Variants in RAD51B observed in about 807,000 individuals in gnomAD.
RAD51B encodes the protein RAD51 paralog B.
RAD51B carries 38 observed loss-of-function variants against 42.2 expected under a neutral mutation model. That is an observed-to-expected ratio of 0.90 (90% confidence interval 0.70 to 1.18). The LOEUF (loss-of-function observed/expected upper bound fraction) is 1.18. Ranked by LOEUF, RAD51B falls within the 50% of genes most tolerant of loss-of-function variation. RAD51B has a pLI of 0.00. For missense variants in RAD51B, 373 were observed against 400.7 expected (o/e 0.93, Z 0.59); for synonymous variants, 154 against 145.2 (o/e 1.06, Z -0.43).
chr14:68,384,347 AG>A (rs1425914355), intron 8 of RAD51B, among the ~76,000 whole-genome samples: 23 of 152,226 alleles, frequency 1.5e-4, no homozygotes, highest in Admixed American at 3.9e-4. Context: ...AACACTCAAA[AG>A]TACAAGGCAG....
intron 7 of RAD51B, among the ~76,000 whole-genome samples, chr14:68,020,042 T>C (rs572257360): frequency 1.2e-4 from 19 of 152,308 alleles, no homozygotes; most frequent in African/African-American, 4.3e-4. Flanking sequence ...GGGGTTCTTA[T>C]TTTTAGGAAG....
intron 7 of RAD51B, among the ~76,000 whole-genome samples, chr14:68,087,752 A>G (rs2077007174): frequency 6.7e-6 from 1 of 149,414 alleles, no homozygotes; most frequent in Non-Finnish European, 1.5e-5. Flanking sequence ...CATTGTTGAT[A>G]TTAAATAAAT....
intron 11 of RAD51B, among the ~76,000 whole-genome samples, chr14:68,668,435 C>A (rs1184149291): frequency 6.6e-6 from 1 of 152,234 alleles, no homozygotes; most frequent in Non-Finnish European, 1.5e-5. Flanking sequence ...GCCTCCCCTG[C>A]CGTTAGGTGG....
chr14:68,338,036 C>T (rs1354314890), intron 8 of RAD51B, among the ~76,000 whole-genome samples: 1 of 152,172 alleles, frequency 6.6e-6, no homozygotes, highest in Non-Finnish European at 1.5e-5. Context: ...AAGCAATCCT[C>T]CTGCCTCACA....
chr14:68,527,833 G>C (rs1887032528), intron 10 of RAD51B, among the ~76,000 whole-genome samples: 1 of 152,196 alleles, frequency 6.6e-6, no homozygotes, highest in Admixed American at 6.5e-5. Context: ...AGCTCATAAA[G>C]TATGCATAGA....
chr14:68,351,505 C>T (rs1382888807), intron 8 of RAD51B, among the ~76,000 whole-genome samples: 1 of 152,084 alleles, frequency 6.6e-6, no homozygotes, highest in Non-Finnish European at 1.5e-5. Flanking sequence ...ATCAAAGAAG[C>T]CCAAAGTAAA....
intron 7 of RAD51B, among the ~76,000 whole-genome samples, chr14:67,969,588 G>A (rs1325450160): frequency 1.3e-5 from 2 of 152,012 alleles, no homozygotes; most frequent in Non-Finnish European, 2.9e-5. Flanking sequence ...GATCTCTGAG[G>A]GCTTTTACAG....
intron 11 of RAD51B, among the ~76,000 whole-genome samples, chr14:68,664,366 C>A (rs148163359): frequency 8.7e-4 from 132 of 152,234 alleles, no homozygotes; most frequent in Middle Eastern, 3.4e-3. Flanking sequence ...AGCTTCTCCC[C>A]ACCACATCCA....
At chr14:68,043,717 A>G (rs2076251975) in intron 7 of RAD51B, among the ~76,000 whole-genome samples, 1 of 152,226 alleles carries the variant, frequency 6.6e-6, no homozygotes. Flanking sequence ...ACTAATGTTA[A>G]AAAGGCTTTC....
intron 5 of RAD51B, among the ~76,000 whole-genome samples, chr14:67,874,502 C>T (rs1391213000): frequency 6.6e-6 from 1 of 151,832 alleles, no homozygotes; most frequent in Non-Finnish European, 1.5e-5. Flanking sequence ...TTTTCTTCCT[C>T]TGGGGCCCAA....
intron 7 of RAD51B, among the ~76,000 whole-genome samples, chr14:68,017,928 G>A (rs1374438121): frequency 1.3e-5 from 2 of 152,042 alleles, no homozygotes; most frequent in African/African-American, 4.8e-5. Flanking sequence ...CTGAGATCGT[G>A]TCACTGTACT....
intron 7 of RAD51B, among the ~76,000 whole-genome samples, chr14:68,141,074 G>A (rs776847647): frequency 4.5e-4 from 68 of 152,280 alleles, no homozygotes; most frequent in Non-Finnish European, 9.1e-4. Flanking sequence ...GTTGAGCATA[G>A]GGTCACCCTT....
intron 7 of RAD51B, among the ~76,000 whole-genome samples, chr14:68,173,763 C>T (rs1284972890): frequency 6.6e-6 from 1 of 152,152 alleles, no homozygotes; most frequent in Non-Finnish European, 1.5e-5. Flanking sequence ...TTCAACTGCA[C>T]AGATAAATGT....
At chr14:68,463,604 G>GGAAGT (rs2085901842) in intron 9 of RAD51B, among the ~76,000 whole-genome samples, 1 of 151,894 alleles carries the variant, frequency 6.6e-6, no homozygotes, top group African/African-American at 2.4e-5. Context: ...AGAATCTTCA[G>GGAAGT]GTTAGAAAAC....
At chr14:68,678,058 G>A (rs1481058302) in intron 11 of RAD51B, among the ~76,000 whole-genome samples, 1 of 152,134 alleles carries the variant, frequency 6.6e-6, no homozygotes, top group African/African-American at 2.4e-5. Context: ...ACTTTAAGAG[G>A]TGGATATTTT....
At position 67,869,049 on chromosome 14, in the gene RAD51B, G is replaced by A. The variant is rs1166906336; in HGVS notation, c.452+3910G>A. On this transcript the variant is annotated intron_variant, in intron 5 of 10. Transcript: ENST00000471583. ...AGCGACTTTCCTCCTCCAAAGGAAC[G>A]CAGTTCCTCACCAGCAACGGAACAA... is the stretch of plus-strand genomic sequence containing the variant. 3.3e-5 allele frequency among the ~76,000 whole-genome samples: 5 copies of A among 152,234 alleles called. No individual in the cohort carries two copies. In the East Asian group the frequency reaches 5.8e-4, roughly 18 times the overall value.
At chr14:68,614,610 A>G (rs1349535142), downstream of RAD51B, among the ~76,000 whole-genome samples, 1 of 152,216 alleles carries the variant, frequency 6.6e-6, no homozygotes, top group East Asian at 1.9e-4. Flanking sequence ...GGAATTATAC[A>G]ATATGTGACC....
intron 7 of RAD51B, among the ~76,000 whole-genome samples, chr14:68,042,806 G>A (rs905886884): frequency 2.6e-5 from 4 of 152,220 alleles, no homozygotes; most frequent in African/African-American, 9.6e-5. Context: ...AGCATGTTAA[G>A]CAGGCTTAAA....
At chr14:68,384,779 T>C (rs2083557762) in intron 8 of RAD51B, among the ~76,000 whole-genome samples, 1 of 152,222 alleles carries the variant, frequency 6.6e-6, no homozygotes, top group Non-Finnish European at 1.5e-5. Flanking sequence ...ATATCTTAAA[T>C]GTAAAATAAC....
Sources: gnomAD v4.1 joint callset for allele counts (sites outside exome capture counted in the v4.1 genomes callset) on GRCh38, gnomAD v4.1.1 for gene constraint, MANE v1.5 for transcripts, NCBI Gene and HGNC (gene_info 2026-07-23, HGNC 2026-07-21) for gene names.